Variants in GNAQ observed in about 807,000 individuals in gnomAD.
GNAQ encodes the protein G protein subunit alpha q.
A neutral mutation model predicts 43.9 loss-of-function variants in GNAQ; 8 were observed. The observed-to-expected ratio is 0.18, with a 90% confidence interval of 0.11 to 0.33. The LOEUF (loss-of-function observed/expected upper bound fraction) is 0.33, where lower values mean the gene tolerates loss of function less well. GNAQ is among the 10% of genes least tolerant of loss of function. The probability of loss-of-function intolerance (pLI) is 1.00; values close to 1 mark genes in which losing one functional copy is unlikely to be tolerated. For missense variants in GNAQ, 158 were observed against 450.8 expected (o/e 0.35, Z 5.88); for synonymous variants, 155 against 170.7 (o/e 0.91, Z 0.71).
At chr9:77,774,964 C>T (rs1043675017) in intron 5 of GNAQ, among the ~76,000 whole-genome samples, 1 of 152,156 alleles carries the variant, frequency 6.6e-6, no homozygotes, top group Non-Finnish European at 1.5e-5. Context: ...CTGAATTAAT[C>T]TTCCAGGCAT....
chr9:77,770,699 C>T (rs994880652), intron 5 of GNAQ, among the ~76,000 whole-genome samples: 2 of 152,140 alleles, frequency 1.3e-5, no homozygotes, highest in Non-Finnish European at 2.9e-5. Context: ...AGCAAGAACT[C>T]GGGCAAGAAC....
intron 5 of GNAQ, among the ~76,000 whole-genome samples, chr9:77,789,379 A>C (rs1280583053): frequency 1.3e-5 from 2 of 152,204 alleles, no homozygotes; most frequent in Non-Finnish European, 2.9e-5. Flanking sequence ...ACATCCAAAG[A>C]AAATAAGAAA....
rs1829013650 is a variant in GNAQ at position 77,922,478 on chromosome 9, A to T, written c.137-133T>A. 3 of 652,590 alleles carry T rather than the reference A, an allele frequency of 4.6e-6. No individual in the cohort carries two copies. In the South Asian group the frequency reaches 6.0e-5, roughly 13 times the overall value. The allele number at this position is 652,590 out of a possible 1,614,324, so 40.4% of individuals were successfully genotyped here. A position where few individuals can be genotyped will look rare whatever the true frequency, so the allele number is the denominator to read the frequency against. On this transcript the variant is annotated intron_variant, in intron 1 of 6. Coordinates refer to ENST00000286548, the MANE Select transcript of GNAQ (RefSeq NM_002072.5). ...GAGAGGAGCGACTCTAGAATTGGAA[A>T]CACTACCTATGGTGAACATTTAGCA... is the stretch of plus-strand genomic sequence containing the variant.
chr9:77,833,583 C>A (rs1038261025), intron 2 of GNAQ, among the ~76,000 whole-genome samples: 5 of 152,170 alleles, frequency 3.3e-5, no homozygotes, highest in Non-Finnish European at 1.5e-5. Context: ...CAAATGTATC[C>A]TAGGCTTAAA....
At chr9:77,809,235 G>C (rs951436972) in intron 3 of GNAQ, among the ~76,000 whole-genome samples, 3 of 152,174 alleles carry the variant, frequency 2.0e-5, no homozygotes, top group African/African-American at 7.2e-5. Context: ...GAAGGTGTCT[G>C]ATTTACCCAG....
chr9:77,953,473 TG>T (rs1823006839), intron 1 of GNAQ, among the ~76,000 whole-genome samples: 1 of 151,854 alleles, frequency 6.6e-6, no homozygotes, highest in Non-Finnish European at 1.5e-5. Flanking sequence ...GGAGGAGAGG[TG>T]TGTTTTCCCC....
At chr9:77,848,486 C>T (rs578136422) in intron 2 of GNAQ, among the ~76,000 whole-genome samples, 15 of 152,368 alleles carry the variant, frequency 9.8e-5, no homozygotes, top group African/African-American at 3.6e-4. Context: ...GCAATTCAAA[C>T]CCCAAATTGG....
chr9:77,839,205 G>T (rs557050362), intron 2 of GNAQ, among the ~76,000 whole-genome samples: 1 of 152,304 alleles, frequency 6.6e-6, no homozygotes, highest in Non-Finnish European at 1.5e-5. Context: ...AGTTCTTACT[G>T]AATCATTGGT....
chr9:77,862,207 A>C (rs1302808046), intron 2 of GNAQ, among the ~76,000 whole-genome samples: 1 of 149,914 alleles, frequency 6.7e-6, no homozygotes. Context: ...ATCTCTTGTC[A>C]CTCCACTAGG....
rs1827067932 is a variant in GNAQ at position 77,819,029 on chromosome 9, A to AC, written c.322-3260dup. Among the ~76,000 whole-genome samples, 3 of 119,276 alleles carry AC rather than the reference A, an allele frequency of 2.5e-5. No individual in the cohort carries two copies. In the South Asian group the frequency reaches 8.8e-4, roughly 35 times the overall value. 78.2% of individuals were successfully genotyped at this position (119,276 alleles called of 152,430 possible). On this transcript the variant is annotated intron_variant, in intron 2 of 6. Coordinates refer to ENST00000286548, the MANE Select transcript of GNAQ (RefSeq NM_002072.5). ...AAAAAAAAAAAAAAAAAAAAAAAAA[A>AC]CACCCAAAAATACCTAGTATGATTT... is the stretch of plus-strand genomic sequence containing the variant.
At chr9:77,870,164 T>A (rs1460051853) in intron 2 of GNAQ, among the ~76,000 whole-genome samples, 1 of 152,174 alleles carries the variant, frequency 6.6e-6, no homozygotes, top group African/African-American at 2.4e-5. Flanking sequence ...ATCTTCTACA[T>A]TGAGAAGGCT....
At chr9:77,972,453 G>A (rs192010721) in intron 1 of GNAQ, among the ~76,000 whole-genome samples, 77 of 151,814 alleles carry the variant, frequency 5.1e-4, no homozygotes, top group African/African-American at 1.5e-3. Flanking sequence ...AAGTAACATC[G>A]GTTCCATTTT....
chr9:78,019,696 G>A (rs1477686852), intron 1 of GNAQ, among the ~76,000 whole-genome samples: 2 of 152,078 alleles, frequency 1.3e-5, no homozygotes. Context: ...GCCAAGATGG[G>A]TGGATCACCT....
intron 1 of GNAQ, among the ~76,000 whole-genome samples, chr9:77,950,505 C>A (rs186478837): frequency 1.3e-5 from 2 of 152,314 alleles, no homozygotes; most frequent in Non-Finnish European, 2.9e-5. Context: ...TATTGCCCAT[C>A]TACTAAAGTT....
Position 77,856,634 on chromosome 9 carries a change from A to C in GNAQ, c.322-40864T>G, listed in dbSNP as rs1827759879. Among the ~76,000 whole-genome samples, 3 of 152,350 alleles carry C rather than the reference A, an allele frequency of 2.0e-5. No individual in the cohort carries two copies. In the South Asian group the frequency reaches 6.2e-4, roughly 32 times the overall value. On this transcript the variant is annotated intron_variant, in intron 2 of 6. Coordinates refer to ENST00000286548, the MANE Select transcript of GNAQ (RefSeq NM_002072.5). ...AGAATTTCAACATGACTATAGCAGA[A>C]GAGAAAAGACTGAGAAAGACTACCT...
At chr9:77,818,657 A>T (rs1424821022) in intron 2 of GNAQ, among the ~76,000 whole-genome samples, 1 of 152,212 alleles carries the variant, frequency 6.6e-6, no homozygotes, top group Non-Finnish European at 1.5e-5. Context: ...TACAAGTAAC[A>T]AGTCAATTAC....
intron 2 of GNAQ, among the ~76,000 whole-genome samples, chr9:77,893,137 G>T (rs1346821339): frequency 6.6e-6 from 1 of 152,192 alleles, no homozygotes; most frequent in Non-Finnish European, 1.5e-5. Flanking sequence ...ATGAGGCTGA[G>T]ACTACTGGGC....
intron 1 of GNAQ, among the ~76,000 whole-genome samples, chr9:77,955,421 G>A (rs529669523): frequency 2.6e-5 from 4 of 152,292 alleles, no homozygotes; most frequent in Admixed American, 1.3e-4. Flanking sequence ...GATTACAGGC[G>A]TGAGCCACTG....
At chr9:77,880,555 G>GTT (rs55926441) in intron 2 of GNAQ, among the ~76,000 whole-genome samples, 1,882 of 141,372 alleles carry the variant, frequency 0.013, 21 homozygotes, top group Middle Eastern at 0.044. Context: ...GATTTTTTCT[G>GTT]TTTTTTTTTT....
Sources: allele counts gnomAD v4.1 joint callset (sites outside exome capture counted in the v4.1 genomes callset), GRCh38; gene constraint gnomAD v4.1.1; transcripts MANE v1.5; gene names NCBI Gene and HGNC (gene_info 2026-07-23, HGNC 2026-07-21).